PSMD14: variants seen among roughly 807,000 people sequenced by gnomAD.
The protein encoded by PSMD14 is ubiquitin C-terminal hydrolase PSMD14.
PSMD14 carries 7 observed loss-of-function variants against 41.2 expected under a neutral mutation model. The ratio of observed to expected loss-of-function variants is 0.17; its 90% CI spans 0.10 to 0.32. PSMD14 has a LOEUF of 0.32. PSMD14 is among the 10% of genes least tolerant of loss of function. The pLI is 1.00. For synonymous variants in PSMD14, 114 were observed against 122.3 expected (o/e 0.93, Z 0.45); for missense variants, 139 against 375.6 (o/e 0.37, Z 5.21).
At chr2:161,340,919 T>C (rs1682945191) in intron 3 of PSMD14, 1 of 1,613,834 alleles carries the variant, frequency 6.2e-7, no homozygotes, top group Non-Finnish European at 8.5e-7. Context: ...AGAAGCCTTC[T>C]CCGTCCTCCT....
chr2:161,395,018 A>G, intron 9 of PSMD14, 60 bp from the exon 10 acceptor site: 1 of 1,375,544 alleles, frequency 7.3e-7, no homozygotes. Context: ...TTTTTTCTCT[A>G]GACAATGAAG....
intron 1 of PSMD14, among the ~76,000 whole-genome samples, chr2:161,310,340 T>C (rs1268374873): frequency 6.6e-6 from 1 of 152,240 alleles, no homozygotes; most frequent in African/African-American, 2.4e-5. Context: ...TCCTCTTATT[T>C]CAGTAACAAG....
chr2:161,328,469 A>G (rs1272310518), intron 3 of PSMD14, among the ~76,000 whole-genome samples: 1 of 152,128 alleles, frequency 6.6e-6, no homozygotes, highest in African/African-American at 2.4e-5. Flanking sequence ...GAGTAAAAAT[A>G]TTACAAGTTG....
intron 3 of PSMD14, among the ~76,000 whole-genome samples, chr2:161,353,879 C>A (rs1487467620): frequency 6.6e-6 from 1 of 152,052 alleles, no homozygotes; most frequent in East Asian, 1.9e-4. Context: ...TCATACATGG[C>A]TTTGCATATT....
At chr2:161,403,419 G>A (rs1045883686) in intron 10 of PSMD14, among the ~76,000 whole-genome samples, 1 of 152,188 alleles carries the variant, frequency 6.6e-6, no homozygotes, top group African/African-American at 2.4e-5. Context: ...ACAGCTTAAT[G>A]TGTACTAGGT....
Position 161,367,514 on chromosome 2 carries a change from G to T in PSMD14, c.85G>T (p.Glu29Ter). The change falls in exon 4 of 12, where the codon GAA becomes TAA. Residue 29 changes from glutamate (E) to a stop codon, truncating the protein, a stop_gained. Transcript: ENST00000409682. LOFTEE classifies it high-confidence loss of function. ...PTDAPAVDTAEQVYISSLALL... is the reference protein window; with the variant it reads ...PTDAPAVDTA ...AGATGCTCCTGCAGTGGACACAGCA[G>T]AACAAGTCTATATCTCTTCCCTGGC... 1 of 1,602,266 alleles carries T rather than the reference G, an allele frequency of 6.2e-7. No individual in the cohort carries two copies. Among genetic ancestry groups the T allele is most frequent in the South Asian group, 1.1e-5 (1 of 88,682 alleles).
chr2:161,320,734 A>ATC, intron 3 of PSMD14, among the ~76,000 whole-genome samples: 1 of 150,758 alleles, frequency 6.6e-6, no homozygotes, highest in South Asian at 2.1e-4. Flanking sequence ...ATTTATTATA[A>ATC]TTTTTTTTTG....
intron 3 of PSMD14, among the ~76,000 whole-genome samples, chr2:161,336,562 ATTAT>A (rs938792533): frequency 5.3e-5 from 8 of 152,090 alleles, no homozygotes; most frequent in Non-Finnish European, 7.4e-5. Context: ...AGTTATATTT[ATTAT>A]TTATTTATTT....
intron 9 of PSMD14, among the ~76,000 whole-genome samples, chr2:161,392,748 A>C (rs930247955): frequency 3.3e-5 from 5 of 152,032 alleles, no homozygotes; most frequent in African/African-American, 1.2e-4. Context: ...TTCTGCTGTG[A>C]TAGATTTAGT....
At chr2:161,394,911 TTATATTAATACAAA>T (rs1265038620) in intron 9 of PSMD14, among the ~76,000 whole-genome samples, 153 bp from the exon 10 acceptor site, 1 of 152,030 alleles carries the variant, frequency 6.6e-6, no homozygotes, top group African/African-American at 2.4e-5. Context: ...ACTCCTTAAG[TTATATTAATACAAA>T]TATAGGAGCA....
At chr2:161,377,422 A>G (rs1400823972) in intron 7 of PSMD14, among the ~76,000 whole-genome samples, 1 of 151,846 alleles carries the variant, frequency 6.6e-6, no homozygotes, top group Non-Finnish European at 1.5e-5. Flanking sequence ...AAGTTTTATA[A>G]CACTCTCAGA....
At chr2:161,341,181 T>C in intron 3 of PSMD14, 2 of 955,270 alleles carry the variant, frequency 2.1e-6, no homozygotes, top group Non-Finnish European at 2.5e-6. Flanking sequence ...CCCGGTGGCC[T>C]CGGCCGGGGG....
At chr2:161,395,424 A>G (rs1441997431) in intron 10 of PSMD14, among the ~76,000 whole-genome samples, 3 of 152,224 alleles carry the variant, frequency 2.0e-5, no homozygotes, top group African/African-American at 4.8e-5. Flanking sequence ...TTTGGGATCT[A>G]TTAAAACAAG....
chr2:161,320,641 CAA>C (rs1682561435), intron 3 of PSMD14, among the ~76,000 whole-genome samples: 2 of 152,020 alleles, frequency 1.3e-5, no homozygotes, highest in African/African-American at 4.8e-5. Context: ...AATAATTTGA[CAA>C]ATACTTATGA....
At position 161,408,832 on chromosome 2, in the gene PSMD14, C is replaced by T. The variant is rs535495392; in HGVS notation, c.772-5C>T. The T allele has an allele frequency of 5.6e-6, 9 of 1,598,160 alleles. No homozygotes were observed. The highest frequency in any genetic ancestry group is 7.7e-6 in the Non-Finnish European group (9 of 1,167,628). ...TAAACTCTGTCCTTTGTGTTTCATT[C>T]ACAGGCTGTAGAAGAAGAAGATAAG... On this transcript the variant is annotated splice_region_variant and splice_polypyrimidine_tract_variant and intron_variant, in intron 10 of 11. Coordinates refer to ENST00000409682, the MANE Select transcript of PSMD14 (RefSeq NM_005805.6).
At chr2:161,378,030 A>G (rs1683524692) in intron 7 of PSMD14, among the ~76,000 whole-genome samples, 1 of 151,954 alleles carries the variant, frequency 6.6e-6, no homozygotes, top group Admixed American at 6.6e-5. Context: ...TAAAGATCAC[A>G]TTCTAGATGT....
chr2:161,355,190 A>C (rs1683178981), intron 3 of PSMD14, among the ~76,000 whole-genome samples: 1 of 152,182 alleles, frequency 6.6e-6, no homozygotes, highest in Non-Finnish European at 1.5e-5. Flanking sequence ...TCGTTGGTTA[A>C]ACTTACTCAA....
At chr2:161,362,306 A>G (rs937863734) in intron 3 of PSMD14, among the ~76,000 whole-genome samples, 1 of 152,224 alleles carries the variant, frequency 6.6e-6, no homozygotes, top group Non-Finnish European at 1.5e-5. Flanking sequence ...CCCCTACTAT[A>G]AAAGATAGAG....
chr2:161,383,170 C>T (rs903323510), intron 7 of PSMD14: 2 of 151,846 alleles, frequency 1.3e-5, no homozygotes, highest in Admixed American at 6.6e-5. Context: ...CTTATTTTCA[C>T]AGTGCAAAAA....
Sources: gnomAD v4.1 joint callset for allele counts (sites outside exome capture counted in the v4.1 genomes callset) on GRCh38, gnomAD v4.1.1 for gene constraint, MANE v1.5 for transcripts, NCBI Gene and HGNC (gene_info 2026-07-23, HGNC 2026-07-21) for gene names.